WDFY2: variants seen among roughly 807,000 people sequenced by gnomAD.
The protein encoded by WDFY2 is WD repeat and FYVE domain containing 2.
In WDFY2, 36 loss-of-function variants were observed where a neutral mutation model predicts 56.4. The ratio of observed to expected loss-of-function variants is 0.64; its 90% CI spans 0.49 to 0.84. The LOEUF (loss-of-function observed/expected upper bound fraction) is 0.84. WDFY2 is among the 40% of genes least tolerant of loss of function. The pLI is 0.00. For synonymous variants in WDFY2, 176 were observed against 183.7 expected (o/e 0.96, Z 0.34); for missense variants, 444 against 512.2 (o/e 0.87, Z 1.29).
At chr13:51,605,395 A>G (rs1335476921) in intron 1 of WDFY2, among the ~76,000 whole-genome samples, 1 of 152,200 alleles carries the variant, frequency 6.6e-6, no homozygotes, top group Non-Finnish European at 1.5e-5. Flanking sequence ...AAAGTTTGTG[A>G]GGATTAAGGG....
At chr13:51,607,801 C>G (rs964808656) in intron 1 of WDFY2, among the ~76,000 whole-genome samples, 2 of 152,266 alleles carry the variant, frequency 1.3e-5, no homozygotes, top group South Asian at 2.1e-4. Flanking sequence ...TGTCTATGTC[C>G]TAGTCCCCAG....
At chr13:51,754,337 G>A (rs374348107) in intron 8 of WDFY2, among the ~76,000 whole-genome samples, 11 of 152,208 alleles carry the variant, frequency 7.2e-5, no homozygotes, top group African/African-American at 1.9e-4. Flanking sequence ...TATGTGTCCC[G>A]TCACAGACCT....
intron 1 of WDFY2, among the ~76,000 whole-genome samples, chr13:51,631,662 A>G (rs1954955355): frequency 6.6e-6 from 1 of 152,126 alleles, no homozygotes; most frequent in Admixed American, 6.5e-5. Context: ...TCAACTTACA[A>G]TGTTGAAAGC....
At chr13:51,622,432 G>C (rs1297950270) in intron 1 of WDFY2, among the ~76,000 whole-genome samples, 1 of 152,172 alleles carries the variant, frequency 6.6e-6, no homozygotes, top group African/African-American at 2.4e-5. Context: ...CCACAGGTGA[G>C]TAAATGACTG....
intron 1 of WDFY2, among the ~76,000 whole-genome samples, chr13:51,585,861 A>G (rs1473218124): frequency 1.3e-5 from 2 of 152,194 alleles, no homozygotes; most frequent in African/African-American, 4.8e-5. Flanking sequence ...TGCTGTCTTT[A>G]TAGTCATTTC....
At chr13:51,670,659 C>A (rs902899651) in intron 2 of WDFY2, among the ~76,000 whole-genome samples, 1 of 152,106 alleles carries the variant, frequency 6.6e-6, no homozygotes, top group Non-Finnish European at 1.5e-5. Context: ...TGGGTTCAGG[C>A]ATATAGGTTG....
Position 51,710,996 on chromosome 13 carries a change from A to G in WDFY2, c.334+7346A>G, listed in dbSNP as rs1952200792. ...GCATTGCCAAGACAATCCTAAGCCA[A>G]AAGAACAAAGCTGGAGGCATCACGC... On this transcript the variant is annotated intron_variant, in intron 4 of 11. Transcript: ENST00000298125. Among the ~76,000 whole-genome samples, 3 of 152,218 alleles carry G rather than the reference A, an allele frequency of 2.0e-5. No individual in the cohort carries two copies. The South Asian group carries it at 6.2e-4, about 32-fold the overall frequency.
rs745518595 is a variant in WDFY2 at position 51,584,828 on chromosome 13, T to G, written c.137+4T>G. 1.2e-6 allele frequency: 2 copies of G among 1,613,482 alleles called. No individual in the cohort carries two copies. Among genetic ancestry groups the G allele is most frequent in the Non-Finnish European group, 8.5e-7 (1 of 1,179,722 alleles). ...TCATCAGCGTCTCCGAGGACAGGTA[T>G]GGACTACTGCCATTCGGCCGCGAGG... On this transcript the variant is annotated splice_donor_region_variant and intron_variant, in intron 1 of 11. Transcript: ENST00000298125.
intron 4 of WDFY2, among the ~76,000 whole-genome samples, chr13:51,709,716 C>G (rs1199939022): frequency 6.6e-6 from 1 of 152,052 alleles, no homozygotes; most frequent in Non-Finnish European, 1.5e-5. Flanking sequence ...ACACATACAC[C>G]CTCCCAAGAC....
chr13:51,624,765 A>C (rs1954808878), intron 1 of WDFY2, among the ~76,000 whole-genome samples: 1 of 152,206 alleles, frequency 6.6e-6, no homozygotes, highest in Non-Finnish European at 1.5e-5. Flanking sequence ...CATCTGAGCA[A>C]AGATCTGAAG....
At chr13:51,710,982 A>T (rs372869680) in intron 4 of WDFY2, among the ~76,000 whole-genome samples, 9 of 152,118 alleles carry the variant, frequency 5.9e-5, no homozygotes, top group East Asian at 3.8e-4. Flanking sequence ...CATTGCCAAG[A>T]CAATCCTAAG....
At chr13:51,618,682 C>T (rs544891123) in intron 1 of WDFY2, among the ~76,000 whole-genome samples, 2 of 152,284 alleles carry the variant, frequency 1.3e-5, no homozygotes, top group African/African-American at 4.8e-5. Flanking sequence ...CTCATGACAC[C>T]ACTGCAAACC....
At chr13:51,658,588 C>A (rs1955555645) in intron 1 of WDFY2, among the ~76,000 whole-genome samples, 1 of 152,140 alleles carries the variant, frequency 6.6e-6, no homozygotes, top group African/African-American at 2.4e-5. Flanking sequence ...TCTTAGTCCA[C>A]CATCTTCTGT....
intron 1 of WDFY2, among the ~76,000 whole-genome samples, chr13:51,647,307 C>T (rs978618702): frequency 1.3e-5 from 2 of 152,182 alleles, no homozygotes; most frequent in South Asian, 2.1e-4. Flanking sequence ...CTACCCACTA[C>T]GTCCCTAGGC....
intron 1 of WDFY2, among the ~76,000 whole-genome samples, chr13:51,643,128 AATTC>A (rs1955203113): frequency 6.6e-6 from 1 of 152,200 alleles, no homozygotes; most frequent in Admixed American, 6.5e-5. Flanking sequence ...GTAAGTGTTC[AATTC>A]ATTGTCATTA....
In WDFY2 at chr13:51,750,653, T is replaced by C. The variant is rs187325333; in HGVS notation, c.726-657T>C. Among the ~76,000 whole-genome samples the C allele has an allele frequency of 1.4e-4, 21 of 152,206 alleles. No individual in the cohort carries two copies. In the East Asian group the frequency reaches 3.9e-3, roughly 28 times the overall value. On this transcript the variant is annotated intron_variant, in intron 7 of 11. Transcript: ENST00000298125. ...GACCATAAAACTAGATTCTCCATCA[T>C]TTTTGCCGCCAAGAGGGAATAACTT...
intron 1 of WDFY2, among the ~76,000 whole-genome samples, chr13:51,652,283 T>G (rs961015685): frequency 6.6e-6 from 1 of 152,228 alleles, no homozygotes; most frequent in African/African-American, 2.4e-5. Context: ...CCCTTTATTT[T>G]GAGCCTATGT....
intron 1 of WDFY2, among the ~76,000 whole-genome samples, chr13:51,585,541 G>T (rs559224750): frequency 6.6e-6 from 1 of 152,184 alleles, no homozygotes; most frequent in Admixed American, 6.5e-5. Context: ...GGAACTAGTT[G>T]TTCTGCCTTC....
rs117024229 is a variant in WDFY2, at chr13:51,620,915, C to T, written c.137+36091C>T. 2.9e-3 allele frequency among the ~76,000 whole-genome samples: 442 copies of T among 152,300 alleles called. 2 individuals are homozygous for T. The highest frequency in any genetic ancestry group is 5.6e-3 in the Admixed American group (85 of 15,302). On this transcript the variant is annotated intron_variant, in intron 1 of 11. Coordinates refer to ENST00000298125, the MANE Select transcript of WDFY2 (RefSeq NM_052950.4). ...TGCCTCTGGCTCTCCTCCTATCTCCCGTTTTCCTCTGTTCCAGGCTTTCCC... is the reference window on the plus strand; with the variant it reads ...TGCCTCTGGCTCTCCTCCTATCTCCTGTTTTCCTCTGTTCCAGGCTTTCCC...
Sources: gnomAD v4.1 joint callset for allele counts (sites outside exome capture counted in the v4.1 genomes callset) on GRCh38, gnomAD v4.1.1 for gene constraint, MANE v1.5 for transcripts, NCBI Gene and HGNC (gene_info 2026-07-23, HGNC 2026-07-21) for gene names.